Variants in CDK6 observed in about 807,000 individuals in gnomAD.
The protein encoded by CDK6 is cyclin dependent kinase 6, also known as cyclin-dependent kinase 6.
Under a neutral mutation model 37.1 loss-of-function variants are expected in CDK6, and 6 were observed. The ratio of observed to expected loss-of-function variants is 0.16; its 90% confidence interval spans 0.09 to 0.32. The LOEUF (loss-of-function observed/expected upper bound fraction) is 0.32, where lower values mean the gene tolerates loss of function less well. CDK6 is among the 10% of genes least tolerant of loss of function. The pLI is 1.00. For missense variants in CDK6, 224 were observed against 418.9 expected (o/e 0.53, Z 4.06); for synonymous variants, 160 against 161.3 (o/e 0.99, Z 0.06).
chr7:92,748,126 T>C (rs1799103271), intron 3 of CDK6, among the ~76,000 whole-genome samples: 1 of 152,236 alleles, frequency 6.6e-6, no homozygotes, highest in Non-Finnish European at 1.5e-5. Flanking sequence ...AATGGCATAC[T>C]GCATGTTCTA....
chr7:92,692,269 AG>A (rs375295689), intron 4 of CDK6, among the ~76,000 whole-genome samples: 35 of 146,690 alleles, frequency 2.4e-4, no homozygotes, highest in Non-Finnish European at 2.9e-4. Flanking sequence ...GTCTCAAAAA[AG>A]AAAGAAAGAA....
chr7:92,790,517 A>G (rs1238220589), intron 2 of CDK6, among the ~76,000 whole-genome samples: 1 of 152,212 alleles, frequency 6.6e-6, no homozygotes, highest in Non-Finnish European at 1.5e-5. Context: ...TAAGCATTAG[A>G]TTAGATGCTA....
At chr7:92,670,204 T>C (rs777830938) in intron 5 of CDK6, among the ~76,000 whole-genome samples, 7 of 152,164 alleles carry the variant, frequency 4.6e-5, no homozygotes, top group African/African-American at 1.7e-4. Flanking sequence ...CTAAGAAAGG[T>C]AGCATAAAAG....
intron 4 of CDK6, among the ~76,000 whole-genome samples, chr7:92,719,107 C>A (rs570567861): frequency 2.2e-4 from 33 of 152,276 alleles, no homozygotes; most frequent in Admixed American, 1.7e-3. Flanking sequence ...ATCAGAGGCA[C>A]AGGAAGGGGA....
chr7:92,724,885 C>T (rs1798472582), intron 4 of CDK6, among the ~76,000 whole-genome samples: 1 of 151,856 alleles, frequency 6.6e-6, no homozygotes, highest in African/African-American at 2.4e-5. Context: ...GTATTAATAC[C>T]TATTTCCAGG....
chr7:92,761,088 T>C (rs2115724152), intron 3 of CDK6, among the ~76,000 whole-genome samples: 1 of 152,208 alleles, frequency 6.6e-6, no homozygotes, highest in South Asian at 2.1e-4. Context: ...TATTAAACCT[T>C]TGCCATAGTT....
At chr7:92,692,259 G>A (rs1316991665) in intron 4 of CDK6, among the ~76,000 whole-genome samples, 2 of 145,256 alleles carry the variant, frequency 1.4e-5, no homozygotes, top group Non-Finnish European at 3.0e-5. Flanking sequence ...GTGAAACTCC[G>A]TCTCAAAAAA....
chr7:92,748,894 G>T (rs1478188519), intron 3 of CDK6, among the ~76,000 whole-genome samples: 1 of 152,082 alleles, frequency 6.6e-6, no homozygotes, highest in Non-Finnish European at 1.5e-5. Context: ...GCCAGGGGTG[G>T]TGGCACATGC....
intron 3 of CDK6, among the ~76,000 whole-genome samples, chr7:92,748,152 C>T (rs566628116): frequency 6.6e-6 from 1 of 152,264 alleles, no homozygotes; most frequent in African/African-American, 2.4e-5. Flanking sequence ...AGAACTTTTA[C>T]AGATAACAGG....
At chr7:92,704,359 A>C (rs1797922794) in intron 4 of CDK6, among the ~76,000 whole-genome samples, 2 of 152,334 alleles carry the variant, frequency 1.3e-5, no homozygotes, top group South Asian at 4.1e-4. Flanking sequence ...AGAGGTAGAC[A>C]TAAGGCTTTA....
intron 2 of CDK6, among the ~76,000 whole-genome samples, chr7:92,814,520 C>T (rs1800972892): frequency 6.7e-6 from 1 of 150,158 alleles, no homozygotes; most frequent in African/African-American, 2.5e-5. Flanking sequence ...GGGCTGCAGC[C>T]CTTCTGCTCC....
intron 3 of CDK6, among the ~76,000 whole-genome samples, chr7:92,771,094 T>C (rs1008380182): frequency 6.6e-6 from 1 of 151,320 alleles, no homozygotes; most frequent in Non-Finnish European, 1.5e-5. Context: ...AAATTAGCCA[T>C]GCGTGGTGGC....
At chr7:92,618,387 A>G in intron 6 of CDK6, 180 bp from the exon 7 acceptor site, 1 of 559,554 alleles carries the variant, frequency 1.8e-6, no homozygotes. Context: ...TATGGTGGCC[A>G]TGGGGGAGAG....
chr7:92,627,505 C>T (rs755479473), intron 5 of CDK6, among the ~76,000 whole-genome samples: 1 of 152,070 alleles, frequency 6.6e-6, no homozygotes, highest in Non-Finnish European at 1.5e-5. Context: ...TGACGATCAT[C>T]AATGAATGAG....
At chr7:92,677,230 T>A (rs887529536) in intron 4 of CDK6, among the ~76,000 whole-genome samples, 1 of 152,234 alleles carries the variant, frequency 6.6e-6, no homozygotes, top group African/African-American at 2.4e-5. Flanking sequence ...GGAATTCAAT[T>A]CCAAAAGAAA....
At chr7:92,669,754 C>A (rs1242006714) in intron 5 of CDK6, among the ~76,000 whole-genome samples, 1 of 152,190 alleles carries the variant, frequency 6.6e-6, no homozygotes, top group Non-Finnish European at 1.5e-5. Context: ...ATCAGAATCT[C>A]AAGGGAGAGG....
At chr7:92,726,800 C>G (rs948267268) in intron 3 of CDK6, among the ~76,000 whole-genome samples, 2 of 152,124 alleles carry the variant, frequency 1.3e-5, no homozygotes, top group Non-Finnish European at 2.9e-5. Context: ...ATTCCTTTAT[C>G]AAATCAATGA....
At chr7:92,769,548 T>G (rs1799661252) in intron 3 of CDK6, among the ~76,000 whole-genome samples, 1 of 152,176 alleles carries the variant, frequency 6.6e-6, no homozygotes, top group South Asian at 2.1e-4. Flanking sequence ...CAGAATAATT[T>G]TAGGTTTTCA....
chr7:92,824,557 A>G (rs1801261849), intron 2 of CDK6, among the ~76,000 whole-genome samples: 1 of 152,100 alleles, frequency 6.6e-6, no homozygotes, highest in African/African-American at 2.4e-5. Context: ...ACCAATATCC[A>G]ATACCCAAAT....
Sources: allele counts gnomAD v4.1 joint callset (sites outside exome capture counted in the v4.1 genomes callset), GRCh38; gene constraint gnomAD v4.1.1; transcripts MANE v1.5; gene names NCBI Gene and HGNC (gene_info 2026-07-23, HGNC 2026-07-21).